Variants in PRPH observed in about 807,000 individuals in gnomAD.
PRPH encodes neurofilament 4 (57kD).
Under a neutral mutation model 52.6 loss-of-function variants are expected in PRPH, and 48 were observed. The ratio of observed to expected loss-of-function variants is 0.91; its 90% CI spans 0.72 to 1.16. The LOEUF (loss-of-function observed/expected upper bound fraction) is 1.16. Among genes scored for constraint, PRPH ranks in the 50% most tolerant of loss-of-function variants. PRPH has a pLI of 0.00. For missense variants in PRPH, 579 were observed against 635.7 expected (o/e 0.91, Z 0.96); for synonymous variants, 279 against 283.8 (o/e 0.98, Z 0.17).
chr12:49,296,723 A>G lies in PRPH; in HGVS notation c.703-166A>G. 1.6e-6 allele frequency: 2 copies of G among 1,220,370 alleles called. No homozygotes were observed. Among genetic ancestry groups the G allele is most frequent in the Non-Finnish European group, 2.3e-6 (2 of 876,776 alleles). 75.6% of individuals were successfully genotyped at this position (1,220,370 alleles called of 1,614,324 possible). ...CGGGCAGCGGGGCTGTACCTCCGAA[A>G]CCTGGCCTCTGGTCTCGCGCCCGCG... is the stretch of plus-strand genomic sequence containing the variant. On this transcript the variant is annotated intron_variant, in intron 3 of 8. Transcript: ENST00000257860. This position sits in a 1 kb window ranked among gnomAD's most constrained non-coding sequence, Gnocchi z 5.1.
chr12:49,295,677 C>T lies in PRPH; in HGVS notation c.477C>T (p.Gly159=). 6.5e-7 allele frequency: 1 copy of T among 1,534,582 alleles called. No individual in the cohort carries two copies. The highest frequency in any genetic ancestry group is 8.7e-7 in the Non-Finnish European group (1 of 1,144,148). ...TGCGGCGAGAGCTGGAGCTGTTGGG[C>T]CGCGAGCGTGACCGGGTGCAGGTGG... ...RELRRELELL[G]RERDRVQVER... is the part of the protein sequence containing the mutation. Residue 159 remains glycine, a synonymous_variant, in exon 1 of 9, where the codon GGC becomes GGT. Transcript: ENST00000257860.
chr12:49,295,570 G>A lies in PRPH; in HGVS notation c.370G>A (p.Ala124Thr), dbSNP rs1197221955. The part of the protein sequence containing the change: ...KVRFLEQQNA[A>T]LRGELSQARG... Reference sequence around the variant, plus strand: ...ACGCTTTCTGGAGCAGCAGAACGCGGCCCTGCGCGGGGAGCTGAGCCAAGC... The same window carrying A: ...ACGCTTTCTGGAGCAGCAGAACGCGACCCTGCGCGGGGAGCTGAGCCAAGC... Residue 124 changes from alanine to threonine, a missense_variant, in exon 1 of 9, where the codon GCC (alanine) becomes ACC (threonine). Coordinates refer to ENST00000257860, the MANE Select transcript of PRPH (RefSeq NM_006262.4). The A allele has an allele frequency of 1.9e-6, 3 of 1,565,096 alleles. No individual in the cohort carries two copies. The highest frequency in any genetic ancestry group is 1.7e-6 in the Non-Finnish European group (2 of 1,155,320).
chr12:49,296,836 G>C lies in PRPH; in HGVS notation c.703-53G>C. 3.8e-6 allele frequency: 6 copies of C among 1,570,206 alleles called. No individual in the cohort carries two copies. Among genetic ancestry groups the C allele is most frequent in the Non-Finnish European group, 5.2e-6 (6 of 1,157,602 alleles). On this transcript the variant is annotated intron_variant, in intron 3 of 8. Coordinates refer to ENST00000257860, the MANE Select transcript of PRPH (RefSeq NM_006262.4). The surrounding 1 kb of genome is among the most constrained non-coding windows in gnomAD (Gnocchi z 5.1). ...TCTCTTTTCTGTGCACGAACTGCGT[G>C]GCCCGCGTGGAATTTGCGCCGCTGT...
Position 49,296,375 on chromosome 12 carries a change from T to A in PRPH, c.607-57T>A. ...GAGGCAGACAGGGAAGGCCTGGTCC[T>A]TCCTTGGTCTGCGCAGCCCCTAACT... is the stretch of plus-strand genomic sequence containing the variant. On this transcript the variant is annotated intron_variant, in intron 2 of 8. Transcript: ENST00000257860. The surrounding 1 kb of genome is among the most constrained non-coding windows in gnomAD (Gnocchi z 5.1). 6.3e-7 allele frequency: 1 copy of A among 1,590,644 alleles called. No individual in the cohort carries two copies. Among genetic ancestry groups the A allele is most frequent in the African/African-American group, 1.3e-5 (1 of 74,560 alleles).
In PRPH at chr12:49,296,005, A is replaced by G. The variant is rs1056779056; in HGVS notation, c.546-173A>G. The G allele has an allele frequency of 4.4e-6, 6 of 1,351,908 alleles. No individual in the cohort carries two copies. The African/African-American group carries it at 8.7e-5, about 20-fold the overall frequency. 83.7% of individuals were successfully genotyped at this position (1,351,908 alleles called of 1,614,324 possible). A position where few individuals can be genotyped will look rare whatever the true frequency, so the allele number is the denominator to read the frequency against. On this transcript the variant is annotated intron_variant, in intron 1 of 8. Transcript: ENST00000257860. The surrounding 1 kb of genome is among the most constrained non-coding windows in gnomAD (Gnocchi z 5.1). ...TGAGTAATGAGGAAACCCCCTTTTC[A>G]GCTCCCAGTCCGTTAGAGACAATGC... is the stretch of plus-strand genomic sequence containing the variant.
rs1483362381 is a variant in PRPH, at chr12:49,295,488, C to G, written c.288C>G (p.Asn96Lys). 4 of 1,608,940 alleles carry G rather than the reference C, an allele frequency of 2.5e-6. No homozygotes were observed. The highest frequency in any genetic ancestry group is 3.4e-5 in the Admixed American group (2 of 59,500). Residue 96 changes from asparagine to lysine, a missense_variant, in exon 1 of 9, where the codon AAC (asparagine) becomes AAG (lysine). Asn to Lys is a moderately conservative substitution (Grantham distance 94). Coordinates refer to ENST00000257860, the MANE Select transcript of PRPH (RefSeq NM_006262.4). Reference sequence around the variant, plus strand: ...AGGAGTTCCTGGCCACGCGCAGCAACGAGAAGCAGGAGCTGCAGGAGCTCA... The same window carrying G: ...AGGAGTTCCTGGCCACGCGCAGCAAGGAGAAGCAGGAGCTGCAGGAGCTCA... ...LNQEFLATRS[N>K]EKQELQELND...
chr12:49,297,779 G>A lies in PRPH; in HGVS notation c.1267+53G>A. The stretch of plus-strand genomic sequence containing the variant: ...TCCTTGTCCACTTCTGCCCTCCTCG[G>A]GCTCTTGCTCTGGCTCACCTCAGGG... On this transcript the variant is annotated intron_variant, in intron 7 of 8. Transcript: ENST00000257860. This position sits in a 1 kb window ranked among gnomAD's most constrained non-coding sequence, Gnocchi z 4.4. 1 of 1,612,114 alleles carries A rather than the reference G, an allele frequency of 6.2e-7. No individual in the cohort carries two copies. Among genetic ancestry groups the A allele is most frequent in the Non-Finnish European group, 8.5e-7 (1 of 1,178,600 alleles).
chr12:49,297,855 T>C lies in PRPH; in HGVS notation c.1268-103T>C. On this transcript the variant is annotated intron_variant, in intron 7 of 8. Transcript: ENST00000257860. This position sits in a 1 kb window ranked among gnomAD's most constrained non-coding sequence, Gnocchi z 4.4. ...GGTCCTGGCCTGTACCCACCCCTAC[T>C]CCTCAAACCCGCCCCTCCCCTGCCC... The C allele has an allele frequency of 6.4e-7, 1 of 1,554,596 alleles. No individual in the cohort carries two copies. The highest frequency in any genetic ancestry group is 8.9e-7 in the Non-Finnish European group (1 of 1,127,160).
Position 49,297,019 on chromosome 12 carries a change from A to C in PRPH, c.833A>C (p.Lys278Thr). ...GCGCAGTACGAGAGCATCGCCGCGA[A>C]GAACCTGCAGGAGGCGGAGGAGTGG... ...IRAQYESIAA[K>T]NLQEAEEWYK... The change falls in exon 4 of 9, where the codon AAG (lysine) becomes ACG (threonine). Residue 278 changes from lysine (K) to threonine (T), a missense_variant. Lys to Thr is a moderately conservative substitution (Grantham distance 78). Coordinates refer to ENST00000257860, the MANE Select transcript of PRPH (RefSeq NM_006262.4). The surrounding 1 kb of genome is among the most constrained non-coding windows in gnomAD (Gnocchi z 4.4). 6.2e-7 allele frequency: 1 copy of C among 1,613,896 alleles called. No individual in the cohort carries two copies. The highest frequency in any genetic ancestry group is 8.5e-7 in the Non-Finnish European group (1 of 1,179,952).
Position 49,296,507 on chromosome 12 carries a change from C to T in PRPH, c.682C>T (p.Leu228Phe). 13 of 1,614,162 alleles carry T rather than the reference C, an allele frequency of 8.1e-6. No individual in the cohort carries two copies. Among genetic ancestry groups the T allele is most frequent in the Non-Finnish European group, 1.1e-5 (13 of 1,180,030 alleles). The change falls in exon 3 of 9, where the codon CTC becomes TTC. Residue 228 changes from leucine to phenylalanine, a missense_variant. Coordinates refer to ENST00000257860, the MANE Select transcript of PRPH (RefSeq NM_006262.4). The surrounding 1 kb of genome is among the most constrained non-coding windows in gnomAD (Gnocchi z 5.1). ...GTCTCTGATGGATGAGATTGAGTTC[C>T]TCAAGAAGCTGCACGAGGAGGTAAG... ...IESLMDEIEF[L>F]KKLHEEELRD...
In PRPH at chr12:49,298,585, T is replaced by G; in HGVS notation, c.*232T>G. 1 of 561,040 alleles carries G rather than the reference T, an allele frequency of 1.8e-6. No individual in the cohort carries two copies. Among genetic ancestry groups the G allele is most frequent in the Non-Finnish European group, 3.2e-6 (1 of 311,110 alleles). 34.8% of individuals were successfully genotyped at this position (561,040 alleles called of 1,614,324 possible). On this transcript the variant is annotated 3_prime_UTR_variant, in exon 9 of 9. Transcript: ENST00000257860. ...TTTTCATGTCCCGATAAGAAGCCAA[T>G]GATCCCCCCTCAGGACAAATCTACT...
At position 49,297,335 on chromosome 12, in the gene PRPH, C is replaced by G. The variant is rs369481202; in HGVS notation, c.997-22C>G. 2.2e-5 allele frequency: 36 copies of G among 1,613,570 alleles called. No homozygotes were observed. In the African/African-American group the frequency reaches 4.1e-4, roughly 19 times the overall value. On this transcript the variant is annotated intron_variant, in intron 5 of 8. Transcript: ENST00000257860. This position sits in a 1 kb window ranked among gnomAD's most constrained non-coding sequence, Gnocchi z 4.4. The stretch of plus-strand genomic sequence containing the variant: ...GACGATGAAATGTTCTGCAACTGGC[C>G]CCTTCCACTCTCCTACCCCAGAACG...
In PRPH at chr12:49,295,367, G is replaced by T. The variant is rs749111327; in HGVS notation, c.167G>T (p.Arg56Leu). 25 of 1,608,944 alleles carry T rather than the reference G, an allele frequency of 1.6e-5. No individual in the cohort carries two copies. The South Asian group carries it at 2.5e-4, about 16-fold the overall frequency. Residue 56 changes from arginine (R) to leucine (L), a missense_variant, in exon 1 of 9, where the codon CGC (arginine) becomes CTC (leucine). Arg to Leu is a moderately radical substitution (Grantham distance 102). Coordinates refer to ENST00000257860, the MANE Select transcript of PRPH (RefSeq NM_006262.4). The part of the protein sequence containing the change: ...LGSASPSSSV[R>L]LGSFRSPRAG... ...TCCGCGTCCCCGAGCTCCTCGGTGCGCCTGGGCAGCTTCCGTAGCCCCCGA... is the reference window on the plus strand; with the variant it reads ...TCCGCGTCCCCGAGCTCCTCGGTGCTCCTGGGCAGCTTCCGTAGCCCCCGA...
At position 49,296,424 on chromosome 12, in the gene PRPH, C is replaced by T. The variant is rs1943180315; in HGVS notation, c.607-8C>T. On this transcript the variant is annotated splice_region_variant and splice_polypyrimidine_tract_variant and intron_variant, in intron 2 of 8. Transcript: ENST00000257860. This position sits in a 1 kb window ranked among gnomAD's most constrained non-coding sequence, Gnocchi z 5.1. ...CTTATCTTGAACCTCCACTGCCACC[C>T]CTCGAAGGACGTGGACGATGCCACT... 1.2e-6 allele frequency: 2 copies of T among 1,613,686 alleles called. No homozygotes were observed. The highest frequency in any genetic ancestry group is 1.7e-6 in the Non-Finnish European group (2 of 1,179,588).
In PRPH at chr12:49,297,635, C is replaced by T; in HGVS notation, c.1218-42C>T. The T allele has an allele frequency of 2.0e-6, 2 of 989,936 alleles. No homozygotes were observed. The highest frequency in any genetic ancestry group is 2.9e-6 in the Non-Finnish European group (2 of 680,350). The allele number at this position is 989,936 out of a possible 1,614,324, so 61.3% of individuals were successfully genotyped here. ...GGGGTCGGGACTGGGCCGGGCAGGGCGGGGCCTGGGCAGGGGCGCTGACAA... is the reference window on the plus strand; with the variant it reads ...GGGGTCGGGACTGGGCCGGGCAGGGTGGGGCCTGGGCAGGGGCGCTGACAA... On this transcript the variant is annotated intron_variant, in intron 6 of 8. Coordinates refer to ENST00000257860, the MANE Select transcript of PRPH (RefSeq NM_006262.4). This position sits in a 1 kb window ranked among gnomAD's most constrained non-coding sequence, Gnocchi z 4.4.
rs988524681 is a variant in PRPH at position 49,297,767 on chromosome 12, C to T, written c.1267+41C>T. The T allele has an allele frequency of 4.3e-6, 7 of 1,612,032 alleles. No individual in the cohort carries two copies. Among genetic ancestry groups the T allele is most frequent in the Non-Finnish European group, 5.9e-6 (7 of 1,178,716 alleles). On this transcript the variant is annotated intron_variant, in intron 7 of 8. Transcript: ENST00000257860. The surrounding 1 kb of genome is among the most constrained non-coding windows in gnomAD (Gnocchi z 4.4). ...AGCCTGTACCTCTCCTTGTCCACTT[C>T]TGCCCTCCTCGGGCTCTTGCTCTGG...
rs1392337038 is a variant in PRPH at position 49,297,817 on chromosome 12, C to T, written c.1267+91C>T. 1.9e-6 allele frequency: 3 copies of T among 1,600,074 alleles called. No individual in the cohort carries two copies. The highest frequency in any genetic ancestry group is 3.3e-5 in the Admixed American group (2 of 59,974). On this transcript the variant is annotated intron_variant, in intron 7 of 8. Coordinates refer to ENST00000257860, the MANE Select transcript of PRPH (RefSeq NM_006262.4). This position sits in a 1 kb window ranked among gnomAD's most constrained non-coding sequence, Gnocchi z 4.4. ...GCTCACCTCAGGGATCTCTTCTCCC[C>T]ACGGAACTTCTGGGTCCTGGCCTGT...
At position 49,297,014 on chromosome 12, in the gene PRPH, C is replaced by T; in HGVS notation, c.828C>T (p.Ala276=). Residue 276 remains alanine (A), a synonymous_variant, in exon 4 of 9, where the codon GCC becomes GCT. Coordinates refer to ENST00000257860, the MANE Select transcript of PRPH (RefSeq NM_006262.4). This position sits in a 1 kb window ranked among gnomAD's most constrained non-coding sequence, Gnocchi z 4.4. ...RDIRAQYESI[A]AKNLQEAEEW... Reference sequence around the variant, plus strand: ...TCCGCGCGCAGTACGAGAGCATCGCCGCGAAGAACCTGCAGGAGGCGGAGG... The same window carrying T: ...TCCGCGCGCAGTACGAGAGCATCGCTGCGAAGAACCTGCAGGAGGCGGAGG... 6.2e-7 allele frequency: 1 copy of T among 1,613,866 alleles called. No homozygotes were observed. Among genetic ancestry groups the T allele is most frequent in the Non-Finnish European group, 8.5e-7 (1 of 1,179,960 alleles).
At position 49,297,508 on chromosome 12, in the gene PRPH, T is replaced by G; in HGVS notation, c.1148T>G (p.Leu383Arg). The part of the protein sequence containing the change: ...ARHLREYQEL[L>R]NVKMALDIEI... ...CACCTGAGGGAGTACCAGGAGCTCC[T>G]CAACGTCAAGATGGCCCTGGACATC... Residue 383 changes from leucine (L) to arginine (R), a missense_variant, in exon 6 of 9, where the codon CTC (leucine) becomes CGC (arginine). Coordinates refer to ENST00000257860, the MANE Select transcript of PRPH (RefSeq NM_006262.4). This position sits in a 1 kb window ranked among gnomAD's most constrained non-coding sequence, Gnocchi z 4.4. The G allele has an allele frequency of 6.2e-7, 1 of 1,610,604 alleles. No homozygotes were observed. Among genetic ancestry groups the G allele is most frequent in the South Asian group, 1.1e-5 (1 of 90,972 alleles).
Sources: allele counts gnomAD v4.1 joint callset, GRCh38; gene constraint gnomAD v4.1.1; non-coding constraint Gnocchi (gnomAD v3.1); transcripts MANE v1.5; gene names NCBI Gene and HGNC (gene_info 2026-07-23, HGNC 2026-07-21).